The following GUCY1A2 variants were observed in gnomAD, a reference collection of about 807,000 sequenced individuals.
GUCY1A2 encodes the protein guanylate cyclase 1 soluble subunit alpha 2.
A neutral mutation model predicts 63.5 loss-of-function variants in GUCY1A2; 27 were observed. The ratio of observed to expected loss-of-function variants is 0.43; its 90% CI spans 0.31 to 0.59. The LOEUF (loss-of-function observed/expected upper bound fraction) is 0.59. Among genes scored for constraint, GUCY1A2 ranks in the 20% least tolerant of loss-of-function variants. The probability of loss-of-function intolerance (pLI) is 0.11; values close to 1 mark genes in which losing one functional copy is unlikely to be tolerated. For missense variants in GUCY1A2, 768 were observed against 913.3 expected (o/e 0.84, Z 2.05); for synonymous variants, 364 against 343.5 (o/e 1.06, Z -0.66).
At chr11:106,849,138 G>T (rs1226307633) in intron 4 of GUCY1A2, among the ~76,000 whole-genome samples, 2 of 151,328 alleles carry the variant, frequency 1.3e-5, no homozygotes, top group Admixed American at 6.6e-5. Flanking sequence ...CTGGATTACT[G>T]ATAAAAGCCA....
chr11:106,795,779 A>AC (rs1474069177), intron 5 of GUCY1A2, among the ~76,000 whole-genome samples: 1 of 152,182 alleles, frequency 6.6e-6, no homozygotes, highest in Non-Finnish European at 1.5e-5. Flanking sequence ...AATCATTTAA[A>AC]ACTTATTAAT....
At chr11:106,739,898 C>A (rs1325960106) in intron 6 of GUCY1A2, among the ~76,000 whole-genome samples, 2 of 152,042 alleles carry the variant, frequency 1.3e-5, no homozygotes, top group Non-Finnish European at 2.9e-5. Flanking sequence ...GTAGCTAAAA[C>A]CAGAGTTTAG....
Position 107,018,153 on chromosome 11 carries a change from G to A in GUCY1A2, c.-98C>T, listed in dbSNP as rs956396676. 15 of 669,842 alleles carry A rather than the reference G, an allele frequency of 2.2e-5. No individual in the cohort carries two copies. The African/African-American group carries it at 2.3e-4, about 10-fold the overall frequency. 41.5% of individuals were successfully genotyped at this position (669,842 alleles called of 1,614,324 possible). On this transcript the variant is annotated 5_prime_UTR_variant, in exon 1 of 8. Transcript: ENST00000526355. ...GGACCGGCAAGCGACAACGTTAAGC[G>A]CGTCGGGGCCGCGGGGCGCTGCGGT...
chr11:106,946,936 A>T lies in GUCY1A2; in HGVS notation c.488-6758T>A, dbSNP rs144588170. 3.9e-4 allele frequency among the ~76,000 whole-genome samples: 60 copies of T among 152,206 alleles called. 1 individual carries two copies. The East Asian group carries it at 0.011, about 29-fold the overall frequency. ...TTTTCAAAATTAAGAATGAAAGAAG[A>T]GGCTGGGCACAGTGGCTCACACCTG... On this transcript the variant is annotated intron_variant, in intron 3 of 7. Coordinates refer to ENST00000526355, the MANE Select transcript of GUCY1A2 (RefSeq NM_000855.3).
chr11:106,931,901 T>C (rs1860607464), intron 4 of GUCY1A2, among the ~76,000 whole-genome samples: 1 of 152,156 alleles, frequency 6.6e-6, no homozygotes, highest in Non-Finnish European at 1.5e-5. Flanking sequence ...ATTGTTGTCG[T>C]AGATGCACTA....
At chr11:106,974,124 C>T (rs1861232463) in intron 3 of GUCY1A2, among the ~76,000 whole-genome samples, 1 of 152,024 alleles carries the variant, frequency 6.6e-6, no homozygotes, top group Non-Finnish European at 1.5e-5. Flanking sequence ...ATTTCCCCTT[C>T]AACCGCCTTA....
In GUCY1A2 at chr11:106,695,330, G is replaced by T. The variant is rs1862698774; in HGVS notation, c.1992-7574C>A. Reference sequence around the variant, plus strand: ...ATTATTAACTTCCGAAAAGGGTAATGATAAACTCAGGGCCTCAATTTGCTT... The same window carrying T: ...ATTATTAACTTCCGAAAAGGGTAATTATAAACTCAGGGCCTCAATTTGCTT... On this transcript the variant is annotated intron_variant, in intron 7 of 7. Coordinates refer to ENST00000526355, the MANE Select transcript of GUCY1A2 (RefSeq NM_000855.3). 5.3e-5 allele frequency among the ~76,000 whole-genome samples: 8 copies of T among 152,176 alleles called. No individual in the cohort carries two copies. The South Asian group carries it at 1.7e-3, about 31-fold the overall frequency.
At chr11:106,771,520 G>A (rs564581287) in intron 6 of GUCY1A2, among the ~76,000 whole-genome samples, 1 of 152,186 alleles carries the variant, frequency 6.6e-6, no homozygotes, top group Non-Finnish European at 1.5e-5. Flanking sequence ...GGCTGAGGCA[G>A]GAGGATTGCT....
intron 4 of GUCY1A2, among the ~76,000 whole-genome samples, chr11:106,899,215 CA>C (rs1391121433): frequency 6.6e-6 from 1 of 151,744 alleles, no homozygotes; most frequent in African/African-American, 2.4e-5. Context: ...AGGAAACAAC[CA>C]AACAAAAAAC....
chr11:106,768,361 G>C (rs761465033), intron 6 of GUCY1A2, among the ~76,000 whole-genome samples: 27 of 151,978 alleles, frequency 1.8e-4, no homozygotes, highest in Non-Finnish European at 3.1e-4. Context: ...CTTTAAAATA[G>C]AGAACTTACT....
intron 4 of GUCY1A2, chr11:106,828,005 G>A (rs1358093077): frequency 2.9e-6 from 2 of 682,028 alleles, no homozygotes; most frequent in Non-Finnish European, 5.3e-6. Context: ...CAGAGAATCC[G>A]ACCTACGGGT....
At chr11:106,890,428 C>T (rs1227948096) in intron 4 of GUCY1A2, among the ~76,000 whole-genome samples, 1 of 152,158 alleles carries the variant, frequency 6.6e-6, no homozygotes, top group Non-Finnish European at 1.5e-5. Context: ...CTGGTTCTGG[C>T]TCTTTGACTG....
chr11:106,877,797 G>A (rs1480960502), intron 4 of GUCY1A2, among the ~76,000 whole-genome samples: 1 of 152,080 alleles, frequency 6.6e-6, no homozygotes, highest in African/African-American at 2.4e-5. Flanking sequence ...ACACTGAAGA[G>A]CTTCTTCACA....
At chr11:106,688,632 A>C (rs1302284717) in intron 7 of GUCY1A2, among the ~76,000 whole-genome samples, 3 of 152,198 alleles carry the variant, frequency 2.0e-5, no homozygotes, top group Non-Finnish European at 4.4e-5. Flanking sequence ...ATTTTTAAAA[A>C]AACCCAATAA....
rs900866727 is a variant in GUCY1A2, at chr11:106,915,545, A to T, written c.1206+23915T>A. 2.7e-5 allele frequency among the ~76,000 whole-genome samples: 3 copies of T among 109,828 alleles called. 1 individual carries two copies. The highest frequency in any genetic ancestry group is 8.1e-5 in the African/African-American group (3 of 37,138). 72.1% of individuals were successfully genotyped at this position (109,828 alleles called of 152,430 possible). ...CAGGAGATAAAAAAACATTTTGTAA[A>T]ATGTGGCTAGAACATTGCCTAATTT... is the stretch of plus-strand genomic sequence containing the variant. On this transcript the variant is annotated intron_variant, in intron 4 of 7. Coordinates refer to ENST00000526355, the MANE Select transcript of GUCY1A2 (RefSeq NM_000855.3).
At chr11:106,916,151 T>C (rs1195170215) in intron 4 of GUCY1A2, among the ~76,000 whole-genome samples, 2 of 145,764 alleles carry the variant, frequency 1.4e-5, no homozygotes, top group African/African-American at 2.4e-5. Flanking sequence ...ACAAAAGATT[T>C]AGTTGACAAT....
chr11:106,928,494 A>G lies in GUCY1A2; in HGVS notation c.1206+10966T>C, dbSNP rs577372985. ...CCCCCCTGTATCTCCAAGGAAAAAA[A>G]AAAAACCACCATGTCTTCATTAGGA... On this transcript the variant is annotated intron_variant, in intron 4 of 7. Transcript: ENST00000526355. Among the ~76,000 whole-genome samples, 9 of 152,300 alleles carry G rather than the reference A, an allele frequency of 5.9e-5. No homozygotes were observed. In the East Asian group the frequency reaches 1.7e-3, roughly 29 times the overall value.
Position 106,677,006 on chromosome 11 carries a change from T to G in GUCY1A2, c.*10543A>C. 1 of 213,580 alleles carries G rather than the reference T, an allele frequency of 4.7e-6. No individual in the cohort carries two copies. Among genetic ancestry groups the G allele is most frequent in the South Asian group, 1.9e-4 (1 of 5,360 alleles). The allele number at this position is 213,580 out of a possible 1,614,324, so 13.2% of individuals were successfully genotyped here. ...TCAAGGTCCCAATTCTCTCAGTCACTTCTATCCTCAACTGATCTGCATCTA... is the reference window on the plus strand; with the variant it reads ...TCAAGGTCCCAATTCTCTCAGTCACGTCTATCCTCAACTGATCTGCATCTA... On this transcript the variant is annotated 3_prime_UTR_variant, in exon 8 of 8. Transcript: ENST00000526355.
chr11:106,808,049 C>T (rs780723038), intron 5 of GUCY1A2, among the ~76,000 whole-genome samples: 2 of 152,142 alleles, frequency 1.3e-5, no homozygotes, highest in Non-Finnish European at 2.9e-5. Flanking sequence ...TGGGATTCCA[C>T]CTTGTGACTG....
Sources: gnomAD v4.1 joint callset for allele counts (sites outside exome capture counted in the v4.1 genomes callset) on GRCh38, gnomAD v4.1.1 for gene constraint, MANE v1.5 for transcripts, NCBI Gene and HGNC (gene_info 2026-07-23, HGNC 2026-07-21) for gene names.